Variants in ATP8B3 observed in about 807,000 individuals in gnomAD.
ATP8B3 encodes ATPase phospholipid transporting 8B3, also known as phospholipid-transporting ATPase IK.
In ATP8B3, 141 loss-of-function variants were observed where a neutral mutation model predicts 140.9. The observed-to-expected ratio is 1.00, with a 90% CI of 0.87 to 1.15. The LOEUF is 1.15. ATP8B3 is among the 50% of genes most tolerant of loss of function. The pLI is 0.00. For missense variants in ATP8B3, 1,874 were observed against 1,740.6 expected (o/e 1.08, Z -1.36); for synonymous variants, 765 against 714.6 (o/e 1.07, Z -1.13).
intron 25 of ATP8B3, among the ~76,000 whole-genome samples, chr19:1,786,439 G>A (rs1428853879): frequency 4.0e-5 from 6 of 151,892 alleles, no homozygotes; most frequent in South Asian, 2.1e-4. Context: ...GGTGGTGCAC[G>A]CCTGTAATCC....
At position 1,806,644 on chromosome 19, in the gene ATP8B3, T is replaced by A. The variant is rs866167174; in HGVS notation, c.661A>T (p.Ile221Phe). 6.4e-7 allele frequency: 1 copy of A among 1,561,108 alleles called. No homozygotes were observed. The highest frequency in any genetic ancestry group is 1.4e-5 in the African/African-American group (1 of 73,318). ...DRAINNRPCQ[I>F]LMGKSFKQKK... is the part of the protein sequence containing the mutation. ...CAGCCTCACCTCTTCCCCATCAGAATCTGGCAGGGTCTGTTGTTGATGGCT... is the reference window on the plus strand; with the variant it reads ...CAGCCTCACCTCTTCCCCATCAGAAACTGGCAGGGTCTGTTGTTGATGGCT... Residue 221 changes from isoleucine (I) to phenylalanine (F), a missense_variant, in exon 7 of 29, where the codon ATT becomes TTT. By Grantham distance (21) the Ile-to-Phe change is conservative. This residue lies in a region of ATP8B3 where 1,032 missense variants were observed against 963.6 expected (regional missense o/e 1.07). Coordinates refer to ENST00000310127, the MANE Select transcript of ATP8B3 (RefSeq NM_138813.4). The surrounding 1 kb of genome is among the most constrained non-coding windows in gnomAD (Gnocchi z 5.6).
At position 1,796,284 on chromosome 19, in the gene ATP8B3, A is replaced by G; in HGVS notation, c.1754-19T>C. 1 of 1,590,354 alleles carries G rather than the reference A, an allele frequency of 6.3e-7. No individual in the cohort carries two copies. Among genetic ancestry groups the G allele is most frequent in the Non-Finnish European group, 8.5e-7 (1 of 1,170,230 alleles). On this transcript the variant is annotated intron_variant, in intron 16 of 28. Transcript: ENST00000310127. ...AGCTGGTCTGGTAGGGAGGGGGGCC[A>G]TTTTGGGGTCACGTGGTGGAGCCCG...
chr19:1,806,335 G>C lies in ATP8B3; in HGVS notation c.678-166C>G. 1 of 1,466,814 alleles carries C rather than the reference G, an allele frequency of 6.8e-7. No homozygotes were observed. The highest frequency in any genetic ancestry group is 2.5e-5 in the East Asian group (1 of 40,358). The allele number at this position is 1,466,814 out of a possible 1,614,324, so 90.9% of individuals were successfully genotyped here. ...CGGGCTCCCACCCCACTCCCCGCGGGTCCACGCTCCCACCCAGTGACCTCC... is the reference window on the plus strand; with the variant it reads ...CGGGCTCCCACCCCACTCCCCGCGGCTCCACGCTCCCACCCAGTGACCTCC... On this transcript the variant is annotated intron_variant, in intron 7 of 28. Coordinates refer to ENST00000310127, the MANE Select transcript of ATP8B3 (RefSeq NM_138813.4). This position sits in a 1 kb window ranked among gnomAD's most constrained non-coding sequence, Gnocchi z 5.6.
rs560036720 is a variant in ATP8B3, at chr19:1,810,917, C to G, written c.249-234G>C. ...GATCCTCAAACCTGCAACAGCCCAT[C>G]TGCCAGTGTCCCCCGCCAGCCACCC... is the stretch of plus-strand genomic sequence containing the variant. On this transcript the variant is annotated intron_variant, in intron 2 of 28. Transcript: ENST00000310127. Among the ~76,000 whole-genome samples the G allele has an allele frequency of 3.6e-4, 55 of 152,332 alleles. 2 individuals are homozygous for G. The highest frequency in any genetic ancestry group is 1.3e-3 in the African/African-American group (53 of 41,572).
At position 1,806,591 on chromosome 19, in the gene ATP8B3, T is replaced by C; in HGVS notation, c.677+37A>G. ...TGACCCTGCTGGGCTGGAGCCCCCGTGTCCCCGCGGATCCCCAGCTGCAGC... is the reference window on the plus strand; with the variant it reads ...TGACCCTGCTGGGCTGGAGCCCCCGCGTCCCCGCGGATCCCCAGCTGCAGC... On this transcript the variant is annotated intron_variant, in intron 7 of 28. Transcript: ENST00000310127. This position sits in a 1 kb window ranked among gnomAD's most constrained non-coding sequence, Gnocchi z 5.6. 1.3e-6 allele frequency: 2 copies of C among 1,550,234 alleles called. No homozygotes were observed. Among genetic ancestry groups the C allele is most frequent in the South Asian group, 2.4e-5 (2 of 84,060 alleles).
At chr19:1,785,097 C>A in intron 27 of ATP8B3, 62 bp downstream of exon 27, 1 of 1,488,620 alleles carries the variant, frequency 6.7e-7, no homozygotes. Context: ...CAACCTGCAA[C>A]CTCTTCCATC....
intron 12 of ATP8B3, among the ~76,000 whole-genome samples, chr19:1,801,032 G>A (rs1435900958): frequency 6.6e-6 from 1 of 151,484 alleles, no homozygotes. Context: ...GTTTCACTGT[G>A]TTAGCCAGGA....
chr19:1,811,179 A>C (rs955256048), intron 2 of ATP8B3, among the ~76,000 whole-genome samples: 1 of 152,144 alleles, frequency 6.6e-6, no homozygotes. Context: ...TTATATCTCA[A>C]AACACAGCAT....
At chr19:1,810,276 G>A in intron 3 of ATP8B3, among the ~76,000 whole-genome samples, 1 of 151,854 alleles carries the variant, frequency 6.6e-6, no homozygotes, top group East Asian at 1.9e-4. Flanking sequence ...TCTTTTTTTT[G>A]AGATGGAGTC....
In ATP8B3 at chr19:1,801,478, C is replaced by T. The variant is rs562200641; in HGVS notation, c.1152+478G>A. ...AAAATATATTTATTCTGGCCAGGCA[C>T]GGTGGCTCATGCCTGTAATCCTAGC... is the stretch of plus-strand genomic sequence containing the variant. On this transcript the variant is annotated intron_variant, in intron 12 of 28. Transcript: ENST00000310127. Among the ~76,000 whole-genome samples, 6 of 152,248 alleles carry T rather than the reference C, an allele frequency of 3.9e-5. No individual in the cohort carries two copies. The South Asian group carries it at 1.0e-3, about 26-fold the overall frequency.
At chr19:1,786,143 A>G (rs2068298142) in intron 25 of ATP8B3, among the ~76,000 whole-genome samples, 3 of 152,044 alleles carry the variant, frequency 2.0e-5, no homozygotes, top group Non-Finnish European at 2.9e-5. Context: ...AGAATAAAAT[A>G]AAATGAAATG....
chr19:1,787,010 T>TA, intron 25 of ATP8B3, 93 bp downstream of exon 25: 1 of 1,262,272 alleles, frequency 7.9e-7, no homozygotes, highest in Non-Finnish European at 1.1e-6. Flanking sequence ...CCTGAAGGTC[T>TA]CCCAGGCTCC....
intron 12 of ATP8B3, among the ~76,000 whole-genome samples, chr19:1,801,416 G>T (rs2068843353): frequency 6.6e-6 from 1 of 152,184 alleles, no homozygotes. Flanking sequence ...CCCAGAACGT[G>T]CTGGGATTAC....
intron 23 of ATP8B3, 84 bp downstream of exon 23, chr19:1,789,277 C>T (rs2068410175): frequency 1.4e-6 from 2 of 1,388,878 alleles, no homozygotes; most frequent in Non-Finnish European, 1.9e-6. Flanking sequence ...CTCACCTGCC[C>T]CAGGTCCCCC....
intron 2 of ATP8B3, 26 bp downstream of exon 2, chr19:1,811,463 C>T (rs45535339): frequency 0.015 from 24,582 of 1,600,818 alleles, 245 homozygotes; most frequent in Non-Finnish European, 0.018. Flanking sequence ...CCCTGTGTTC[C>T]GGCCACCCGA....
At chr19:1,784,543 C>T (rs772703131) in intron 28 of ATP8B3, among the ~76,000 whole-genome samples, 13 of 152,146 alleles carry the variant, frequency 8.5e-5, no homozygotes, top group Non-Finnish European at 1.8e-4. Context: ...ATAAATAAAA[C>T]CTTAAGAGCC....
rs1369824999 is a variant in ATP8B3, at chr19:1,789,050, G to A, written c.2916C>T (p.Leu972=). Residue 972 remains leucine (L), a synonymous_variant, in exon 24 of 29, where the codon CTC becomes CTT. Coordinates refer to ENST00000310127, the MANE Select transcript of ATP8B3 (RefSeq NM_138813.4). ...GGCGCTGCAGGAAGCAGAACTGGCCGAGCACGAAGTCGCTGTTCTGAACTG... is the reference window on the plus strand; with the variant it reads ...GGCGCTGCAGGAAGCAGAACTGGCCAAGCACGAAGTCGCTGTTCTGAACTG... ...MQAVQNSDFV[L]GQFCFLQRLL... 7 of 1,605,698 alleles carry A rather than the reference G, an allele frequency of 4.4e-6. No individual in the cohort carries two copies. The Admixed American group carries it at 5.1e-5, about 12-fold the overall frequency.
In ATP8B3 at chr19:1,805,483, A is replaced by AT; in HGVS notation, c.822-28_822-27insA. On this transcript the variant is annotated intron_variant, in intron 9 of 28. Coordinates refer to ENST00000310127, the MANE Select transcript of ATP8B3 (RefSeq NM_138813.4). This position sits in a 1 kb window ranked among gnomAD's most constrained non-coding sequence, Gnocchi z 5.2. ...TGGTGACGAGGAGAGGAGGGAGGTG[A>AT]AAGTGGAGTTGATGGATGCTTCGAG... is the stretch of plus-strand genomic sequence containing the variant. 6.5e-7 allele frequency: 1 copy of AT among 1,532,104 alleles called. No individual in the cohort carries two copies. Among genetic ancestry groups the AT allele is most frequent in the East Asian group, 2.4e-5 (1 of 41,196 alleles). 94.9% of individuals were successfully genotyped at this position (1,532,104 alleles called of 1,614,324 possible). A position where few individuals can be genotyped will look rare whatever the true frequency, so the allele number is the denominator to read the frequency against.
intron 14 of ATP8B3, among the ~76,000 whole-genome samples, chr19:1,797,229 TC>T (rs2068707620): frequency 6.6e-6 from 1 of 151,766 alleles, no homozygotes; most frequent in South Asian, 2.1e-4. Context: ...CCATCCTGTC[TC>T]CCAGGGACCC....
Sources: allele counts gnomAD v4.1 joint callset (sites outside exome capture counted in the v4.1 genomes callset), GRCh38; gene constraint gnomAD v4.1.1; regional missense constraint gnomAD v4.1.1; non-coding constraint Gnocchi (gnomAD v3.1); transcripts MANE v1.5; gene names NCBI Gene and HGNC (gene_info 2026-07-23, HGNC 2026-07-21).